AGXT2: variants seen among roughly 807,000 people sequenced by gnomAD.
The protein encoded by AGXT2 is alanine--glyoxylate aminotransferase 2, mitochondrial.
In AGXT2, 61 loss-of-function variants were observed where a neutral mutation model predicts 62.5. The ratio of observed to expected loss-of-function variants is 0.98; its 90% CI spans 0.79 to 1.21. AGXT2 has a LOEUF of 1.21. AGXT2 is among the 50% of genes most tolerant of loss of function. The pLI, the probability that AGXT2 is intolerant of heterozygous loss-of-function variation, is 0.00. For synonymous variants in AGXT2, 243 were observed against 218.7 expected (o/e 1.11, Z -0.98); for missense variants, 666 against 641.5 (o/e 1.04, Z -0.41).
At position 35,012,937 on chromosome 5, in the gene AGXT2, T is replaced by C. The variant is rs1282250252; in HGVS notation, c.1188+17A>G. 6.4e-7 allele frequency: 1 copy of C among 1,550,624 alleles called. No individual in the cohort carries two copies. The highest frequency in any genetic ancestry group is 1.2e-5 in the South Asian group (1 of 84,048). On this transcript the variant is annotated intron_variant, in intron 11 of 13. Coordinates refer to ENST00000231420, the MANE Select transcript of AGXT2 (RefSeq NM_031900.4). ...ATTTGTGAAATGAGTGAGGTTAATG[T>C]GGCCGCTGGAACCAACCTCAAGCAC...
chr5:35,026,614 A>G, intron 7 of AGXT2, 104 bp from the exon 8 acceptor site: 2 of 1,121,464 alleles, frequency 1.8e-6, no homozygotes, highest in Non-Finnish European at 2.6e-6. Flanking sequence ...AAACAACCAG[A>G]CAGGGTAAGT....
chr5:35,012,660 A>G (rs1766688707), intron 11 of AGXT2: 1 of 399,918 alleles, frequency 2.5e-6, no homozygotes, highest in South Asian at 2.4e-5. Flanking sequence ...GTTAACATCT[A>G]TAAATCACTA....
intron 2 of AGXT2, among the ~76,000 whole-genome samples, chr5:35,040,226 G>T (rs1177821099): frequency 6.6e-6 from 1 of 152,200 alleles, no homozygotes; most frequent in Admixed American, 6.5e-5. Context: ...ACATGAGTCA[G>T]TTAAAACAGG....
Position 35,033,537 on chromosome 5 carries a change from A to G in AGXT2, c.598T>C (p.Cys200Arg). 1 of 1,613,802 alleles carries G rather than the reference A, an allele frequency of 6.2e-7. No homozygotes were observed. Among genetic ancestry groups the G allele is most frequent in the Non-Finnish European group, 8.5e-7 (1 of 1,179,672 alleles). Residue 200 changes from cysteine (C) to arginine (R), a missense_variant, in exon 6 of 14, where the codon TGC becomes CGC. Physicochemically the swap from Cys to Arg is radical, Grantham distance 180. Transcript: ENST00000231420. ...GTCAAGCCAAGTGTGTAAGGACTGC[A>G]TCCATGGTAGGCTCCTCTGCAGAGA... Reference protein sequence around the residue: ...IISFRGAYHGCSPYTLGLTNV... With the variant: ...IISFRGAYHGRSPYTLGLTNV...
At position 35,008,173 on chromosome 5, in the gene AGXT2, A is replaced by C. The variant is rs142611271; in HGVS notation, c.1338+1827T>G. On this transcript the variant is annotated intron_variant, in intron 12 of 13. Coordinates refer to ENST00000231420, the MANE Select transcript of AGXT2 (RefSeq NM_031900.4). ...ACAGCAACACAAATGGACTAAAAAA[A>C]CCTGTTTCATTGTTTCCACAATATG... Among the ~76,000 whole-genome samples, 132 of 152,280 alleles carry C rather than the reference A, an allele frequency of 8.7e-4. 1 individual carries two copies. Among genetic ancestry groups the C allele is most frequent in the African/African-American group, 3.0e-3 (125 of 41,558 alleles).
At chr5:35,020,221 T>C (rs369985136) in intron 9 of AGXT2, among the ~76,000 whole-genome samples, 1 of 152,190 alleles carries the variant, frequency 6.6e-6, no homozygotes, top group Non-Finnish European at 1.5e-5. Flanking sequence ...TAACTCATTT[T>C]ATGAGGCCAG....
rs180749 is a variant in AGXT2, at chr5:35,033,500, G to A, written c.635C>T (p.Thr212Ile). The part of the protein sequence containing the change: ...PYTLGLTNVG[T>I]YKMELPGGTG... Reference sequence around the variant, plus strand: ...CCCACCAGGGAGTTCCATCTTGTAGGTCCCTACGTTTGTCAAGCCAAGTGT... The same window carrying A: ...CCCACCAGGGAGTTCCATCTTGTAGATCCCTACGTTTGTCAAGCCAAGTGT... The change falls in exon 6 of 14, where the codon ACC (threonine) becomes ATC (isoleucine). Residue 212 changes from threonine to isoleucine, a missense_variant. Physicochemically the swap from Thr to Ile is moderately conservative, Grantham distance 89 (BLOSUM62 -1). Coordinates refer to ENST00000231420, the MANE Select transcript of AGXT2 (RefSeq NM_031900.4). The A allele has an allele frequency of 0.98, 1,575,710 of 1,613,754 alleles. 771,744 individuals are homozygous for A. Among genetic ancestry groups the A allele is most frequent in the Non-Finnish European group, 1 (1,178,601 of 1,179,778 alleles).
intron 2 of AGXT2, among the ~76,000 whole-genome samples, chr5:35,039,792 G>C (rs542814581): frequency 1.3e-5 from 2 of 152,198 alleles, no homozygotes; most frequent in Admixed American, 6.5e-5. Flanking sequence ...TTTTAACTAT[G>C]AAAAAAATAG....
intron 7 of AGXT2, among the ~76,000 whole-genome samples, chr5:35,027,766 C>T (rs1434075605): frequency 1.3e-5 from 2 of 150,732 alleles, no homozygotes; most frequent in African/African-American, 4.9e-5. Context: ...CTTCCAAGTG[C>T]GTAGGGCATT....
At chr5:35,026,216 G>A in intron 8 of AGXT2, 194 bp downstream of exon 8, 2 of 629,826 alleles carry the variant, frequency 3.2e-6, no homozygotes, top group Non-Finnish European at 5.5e-6. Flanking sequence ...TCTGTCTGGT[G>A]AGAATGGAGG....
chr5:35,022,977 A>G lies in AGXT2; in HGVS notation c.963+2786T>C, dbSNP rs1478191793. Among the ~76,000 whole-genome samples the G allele has an allele frequency of 2.0e-5, 3 of 151,486 alleles. No homozygotes were observed. In the East Asian group the frequency reaches 5.8e-4, roughly 29 times the overall value. On this transcript the variant is annotated intron_variant, in intron 9 of 13. Transcript: ENST00000231420. ...TAAAAGAGTCTTGGTGATTTCAATC[A>G]CTGGCTCCTAAATGTTTGTCTTCTG...
At chr5:35,017,220 T>C (rs932993214) in intron 9 of AGXT2, among the ~76,000 whole-genome samples, 3 of 152,226 alleles carry the variant, frequency 2.0e-5, no homozygotes, top group African/African-American at 7.2e-5. Context: ...ATACGGTGGC[T>C]AGTCATGTGG....
At chr5:35,000,831 G>A (rs758705849) in intron 13 of AGXT2, among the ~76,000 whole-genome samples, 4 of 152,116 alleles carry the variant, frequency 2.6e-5, no homozygotes, top group East Asian at 1.9e-4. Context: ...CATTTCCTCC[G>A]AGCTACAGAC....
At chr5:35,017,146 C>T (rs961182608) in intron 9 of AGXT2, among the ~76,000 whole-genome samples, 1 of 152,120 alleles carries the variant, frequency 6.6e-6, no homozygotes, top group Non-Finnish European at 1.5e-5. Context: ...TCCTCTGTTC[C>T]TTCCCTTTCT....
chr5:35,017,988 A>G (rs1308382458), intron 9 of AGXT2, among the ~76,000 whole-genome samples: 1 of 152,214 alleles, frequency 6.6e-6, no homozygotes, highest in African/African-American at 2.4e-5. Flanking sequence ...GGAAGGTGAA[A>G]TGAATGAAAT....
At chr5:35,003,267 A>G (rs1309989246) in intron 13 of AGXT2, among the ~76,000 whole-genome samples, 2 of 152,184 alleles carry the variant, frequency 1.3e-5, no homozygotes, top group Non-Finnish European at 2.9e-5. Context: ...CATCTCTCCG[A>G]CAGGCGTCAC....
intron 9 of AGXT2, among the ~76,000 whole-genome samples, chr5:35,017,288 A>T (rs1257856855): frequency 6.6e-6 from 1 of 152,180 alleles, no homozygotes; most frequent in Non-Finnish European, 1.5e-5. Context: ...TAAGCTTGAC[A>T]GGTTGTTTAA....
chr5:35,025,763 T>C lies in AGXT2; in HGVS notation c.963A>G (p.Glu321=), dbSNP rs1420087952. The C allele has an allele frequency of 1.2e-6, 2 of 1,614,092 alleles. No homozygotes were observed. The highest frequency in any genetic ancestry group is 8.5e-7 in the Non-Finnish European group (1 of 1,179,976). Residue 321 remains glutamate (E), a splice_region_variant and synonymous_variant, in exon 9 of 14, where the codon GAA becomes GAG. Coordinates refer to ENST00000231420, the MANE Select transcript of AGXT2 (RefSeq NM_031900.4). ...RARGGVCIAD[E]VQTGFGRLGS... is the part of the protein sequence containing the mutation. ...AATGGCACCCTTACATGCCACTTAC[T>C]TCATCTGCAATGCACACGCCTCCCC...
At chr5:35,045,539 A>G (rs916834035) in intron 1 of AGXT2, among the ~76,000 whole-genome samples, 1 of 152,208 alleles carries the variant, frequency 6.6e-6, no homozygotes, top group South Asian at 2.1e-4. Flanking sequence ...GCACTGGTGC[A>G]TAATAGATGC....
Sources: gnomAD v4.1 joint callset for allele counts (sites outside exome capture counted in the v4.1 genomes callset) on GRCh38, gnomAD v4.1.1 for gene constraint, MANE v1.5 for transcripts, NCBI Gene and HGNC (gene_info 2026-07-23, HGNC 2026-07-21) for gene names.